The following PRPF40B variants were observed in gnomAD, a reference collection of about 807,000 sequenced individuals.
The protein encoded by PRPF40B is pre-mRNA processing factor 40B, also known as pre-mRNA-processing factor 40 homolog B.
A neutral mutation model predicts 124.5 loss-of-function variants in PRPF40B; 56 were observed. That is an observed-to-expected ratio of 0.45 (90% CI 0.36 to 0.56). The LOEUF (loss-of-function observed/expected upper bound fraction) is 0.56. Among genes scored for constraint, PRPF40B ranks in the 20% least tolerant of loss-of-function variants. PRPF40B has a pLI of 0.00. For missense variants in PRPF40B, 1,053 were observed against 1,169.5 expected, an observed-to-expected ratio of 0.90 and a Z score of 1.45; for synonymous variants, 443 against 426.4, an observed-to-expected ratio of 1.04 and a Z score of -0.48.
chr12:49,642,095 T>C lies in PRPF40B; in HGVS notation c.1884+71T>C. On this transcript the variant is annotated intron_variant, in intron 19 of 25. Transcript: ENST00000548825. This position sits in a 1 kb window ranked among gnomAD's most constrained non-coding sequence, Gnocchi z 5.8. ...TCTTGCTCCATTCCTTCTCACTCACTGTCCCACTGACTATATTCCCAATTC... is the reference window on the plus strand; with the variant it reads ...TCTTGCTCCATTCCTTCTCACTCACCGTCCCACTGACTATATTCCCAATTC... 1 of 1,603,046 alleles carries C rather than the reference T, an allele frequency of 6.2e-7. No individual in the cohort carries two copies. Among genetic ancestry groups the C allele is most frequent in the Non-Finnish European group, 8.5e-7 (1 of 1,172,386 alleles).
At chr12:49,632,940 T>G in intron 6 of PRPF40B, 60 bp downstream of exon 6, 1 of 1,611,918 alleles carries the variant, frequency 6.2e-7, no homozygotes, top group Non-Finnish European at 8.5e-7. Flanking sequence ...GGACTGATAG[T>G]TAAATCTTTG....
Position 49,636,850 on chromosome 12 carries a change from G to GT in PRPF40B, c.1560+2dup. On this transcript the variant is annotated splice_donor_variant, in intron 16 of 25. Coordinates refer to ENST00000548825, the MANE Select transcript of PRPF40B (RefSeq NM_001031698.3). LOFTEE classifies it high-confidence loss of function. ...ACGCAAGAATCGGGAGGCCTTCCAG[G>GT]TATCTTTGCTGTCCTTTCTAGATCA... The GT allele has an allele frequency of 6.2e-7, 1 of 1,613,668 alleles. No individual in the cohort carries two copies. Among genetic ancestry groups the GT allele is most frequent in the Non-Finnish European group, 8.5e-7 (1 of 1,179,988 alleles).
chr12:49,631,893 A>G lies in PRPF40B; in HGVS notation c.262A>G (p.Met88Val). 6.2e-7 allele frequency: 1 copy of G among 1,614,200 alleles called. No homozygotes were observed. The highest frequency in any genetic ancestry group is 2.2e-5 in the East Asian group (1 of 44,880). The change falls in exon 4 of 26, where the codon ATG (methionine) becomes GTG (valine). Residue 88 changes from methionine (M) to valine (V), a missense_variant. Met to Val is a conservative substitution (Grantham distance 21). This residue lies in a region of PRPF40B where 895 missense variants were observed against 1,052.2 expected (regional missense o/e 0.85). Transcript: ENST00000548825. This position sits in a 1 kb window ranked among gnomAD's most constrained non-coding sequence, Gnocchi z 4.3. The stretch of plus-strand genomic sequence containing the variant: ...AATGGTACCTCCGATGATGCCAGGA[A>G]TGCTGATGCCAGCGGTGCCTGTCAC... ...PGMVPPMMPG[M>V]LMPAVPVTAA...
intron 8 of PRPF40B, 33 bp from the exon 9 acceptor site, chr12:49,633,604 T>C: frequency 6.2e-7 from 1 of 1,614,236 alleles, no homozygotes; most frequent in Non-Finnish European, 8.5e-7. Flanking sequence ...CTATTGCCCC[T>C]GTGACTGACT....
Position 49,631,926 on chromosome 12 carries a change from G to T in PRPF40B, c.294+1G>T. 6.2e-7 allele frequency: 1 copy of T among 1,614,026 alleles called. No individual in the cohort carries two copies. The highest frequency in any genetic ancestry group is 1.7e-5 in the Admixed American group (1 of 60,030). On this transcript the variant is annotated splice_donor_variant, in intron 4 of 25. Transcript: ENST00000548825. LOFTEE classifies it high-confidence loss of function. This position sits in a 1 kb window ranked among gnomAD's most constrained non-coding sequence, Gnocchi z 4.3. ...GCCAGCGGTGCCTGTCACCGCAGCGGTAAGCACTAGGGGCCAGCAGGTAGC... is the reference window on the plus strand; with the variant it reads ...GCCAGCGGTGCCTGTCACCGCAGCGTTAAGCACTAGGGGCCAGCAGGTAGC...
At chr12:49,640,474 C>T (rs1193391201) in intron 18 of PRPF40B, 1 of 152,174 alleles carries the variant, frequency 6.6e-6, no homozygotes, top group Non-Finnish European at 1.5e-5. Context: ...GCACTGAGGA[C>T]CAGATGAGTG....
chr12:49,624,537 T>C (rs1940525347), intron 1 of PRPF40B, among the ~76,000 whole-genome samples: 1 of 152,090 alleles, frequency 6.6e-6, no homozygotes, highest in African/African-American at 2.4e-5. Context: ...GGGAGAGTGA[T>C]GAGATGGCAG....
At position 49,643,694 on chromosome 12, in the gene PRPF40B, A is replaced by G. The variant is rs1484469388; in HGVS notation, c.2384A>G (p.His795Arg). 8.1e-6 allele frequency: 13 copies of G among 1,613,938 alleles called. No homozygotes were observed. In the African/African-American group the frequency reaches 1.5e-4, roughly 18 times the overall value. Residue 795 changes from histidine (H) to arginine (R), a missense_variant, in exon 24 of 26, where the codon CAT (histidine) becomes CGT (arginine). His to Arg is a conservative substitution (Grantham distance 29, BLOSUM62 0). This residue lies in a region of PRPF40B where 895 missense variants were observed against 1,052.2 expected (regional missense o/e 0.85). Coordinates refer to ENST00000548825, the MANE Select transcript of PRPF40B (RefSeq NM_001031698.3). Reference protein sequence around the residue: ...SPSSHLLGADHGLRKAKKPKK... With the variant: ...SPSSHLLGADRGLRKAKKPKK... ...GTAGGGATTTTTCTATCTCTAGATCATGGCCTTCGGAAAGCCAAGAAACCA... is the reference window on the plus strand; with the variant it reads ...GTAGGGATTTTTCTATCTCTAGATCGTGGCCTTCGGAAAGCCAAGAAACCA...
At position 49,633,995 on chromosome 12, in the gene PRPF40B, G is replaced by A. The variant is rs1941497729; in HGVS notation, c.715G>A (p.Glu239Lys). 6.2e-7 allele frequency: 1 copy of A among 1,614,212 alleles called. No homozygotes were observed. The highest frequency in any genetic ancestry group is 8.5e-7 in the Non-Finnish European group (1 of 1,180,032). Residue 239 changes from glutamate (E) to lysine (K), a missense_variant, in exon 10 of 26, where the codon GAA (glutamate) becomes AAA (lysine). This residue lies in a region of PRPF40B where 895 missense variants were observed against 1,052.2 expected (regional missense o/e 0.85). Transcript: ENST00000548825. ...CACCCCAGTGCCCACAGGCCTCCTGGAACCTGAGCCAGGTGGGAGTGAAGA... is the reference window on the plus strand; with the variant it reads ...CACCCCAGTGCCCACAGGCCTCCTGAAACCTGAGCCAGGTGGGAGTGAAGA... ...GPTPVPTGLL[E>K]PEPGGSEDCD...
intron 4 of PRPF40B, 103 bp downstream of exon 4, chr12:49,632,028 C>A: frequency 8.4e-7 from 1 of 1,187,368 alleles, no homozygotes; most frequent in Non-Finnish European, 1.3e-6. Flanking sequence ...CTTCTCATCG[C>A]ATCCACCCAG....
rs996492514 is a variant in PRPF40B at position 49,637,730 on chromosome 12, C to T, written c.1676-3C>T. Reference sequence around the variant, plus strand: ...CCAGGCCCCCCTCCCTCCCTCCTTACAGGCTCCACCCCTCTGGACTTATTC... The same window carrying T: ...CCAGGCCCCCCTCCCTCCCTCCTTATAGGCTCCACCCCTCTGGACTTATTC... On this transcript the variant is annotated splice_region_variant and splice_polypyrimidine_tract_variant and intron_variant, in intron 17 of 25. Transcript: ENST00000548825. The T allele has an allele frequency of 3.1e-6, 3 of 954,622 alleles. No individual in the cohort carries two copies. The highest frequency in any genetic ancestry group is 3.4e-5 in the African/African-American group (2 of 59,268). The allele number at this position is 954,622 out of a possible 1,614,324, so 59.1% of individuals were successfully genotyped here.
chr12:49,631,826 T>G lies in PRPF40B; in HGVS notation c.229-34T>G. ...GTCCCTCCTGTTCCAGCCCTTACCT[T>G]GGTGGTTGGTTTCTGTCTTCTTTGT... On this transcript the variant is annotated intron_variant, in intron 3 of 25. Coordinates refer to ENST00000548825, the MANE Select transcript of PRPF40B (RefSeq NM_001031698.3). This position sits in a 1 kb window ranked among gnomAD's most constrained non-coding sequence, Gnocchi z 4.3. 1 of 1,594,698 alleles carries G rather than the reference T, an allele frequency of 6.3e-7. No individual in the cohort carries two copies. Among genetic ancestry groups the G allele is most frequent in the Non-Finnish European group, 8.6e-7 (1 of 1,162,790 alleles).
intron 7 of PRPF40B, 66 bp from the exon 8 acceptor site, chr12:49,633,361 T>C: frequency 6.2e-7 from 1 of 1,605,352 alleles, no homozygotes; most frequent in Non-Finnish European, 8.5e-7. Flanking sequence ...TAGGTCCCCT[T>C]AGCTCCCCTG....
At chr12:49,634,487 G>C in intron 11 of PRPF40B, 32 bp downstream of exon 11, 2 of 1,614,172 alleles carry the variant, frequency 1.2e-6, no homozygotes, top group Non-Finnish European at 1.7e-6. Flanking sequence ...GGAAGGTTTG[G>C]AGGGGGCTGG....
At chr12:49,637,921 C>A in intron 18 of PRPF40B, 97 bp downstream of exon 18, 1 of 939,700 alleles carries the variant, frequency 1.1e-6, no homozygotes, top group Non-Finnish European at 1.7e-6. Context: ...AGAAGCATTA[C>A]AGCTTGGTTC....
At chr12:49,641,327 C>CG in intron 18 of PRPF40B, 1 of 152,456 alleles carries the variant, frequency 6.6e-6, no homozygotes, top group African/African-American at 2.4e-5. Context: ...GAGAGCCCCC[C>CG]CAGGGTAGGG....
intron 17 of PRPF40B, 64 bp from the exon 18 acceptor site, chr12:49,637,669 C>T (rs1942027290): frequency 6.5e-7 from 1 of 1,542,124 alleles, no homozygotes; most frequent in Non-Finnish European, 8.9e-7. Context: ...CTCCTGTCCT[C>T]GGCCCAGCCC....
chr12:49,642,418 A>G lies in PRPF40B; in HGVS notation c.2022+46A>G. 2 of 1,603,076 alleles carry G rather than the reference A, an allele frequency of 1.2e-6. No individual in the cohort carries two copies. The highest frequency in any genetic ancestry group is 8.5e-7 in the Non-Finnish European group (1 of 1,171,576). On this transcript the variant is annotated intron_variant, in intron 20 of 25. Transcript: ENST00000548825. The surrounding 1 kb of genome is among the most constrained non-coding windows in gnomAD (Gnocchi z 5.8). ...CCAAGCACCCCTCAAGCCTGAGGGC[A>G]GCGGTGCTTCACCACTGAGGGCCCA...
intron 1 of PRPF40B, among the ~76,000 whole-genome samples, chr12:49,629,305 C>A (rs1401299208): frequency 6.6e-6 from 1 of 152,202 alleles, no homozygotes; most frequent in Admixed American, 6.5e-5. Flanking sequence ...TAAGCTTCTT[C>A]ATTCTTGTTT....
Sources: gnomAD v4.1 joint callset for allele counts (sites outside exome capture counted in the v4.1 genomes callset) on GRCh38, gnomAD v4.1.1 for gene constraint, gnomAD v4.1.1 regional missense constraint, Gnocchi (gnomAD v3.1) non-coding constraint, MANE v1.5 for transcripts, NCBI Gene and HGNC (gene_info 2026-07-23, HGNC 2026-07-21) for gene names.